Variants in MICALL1 observed in about 807,000 individuals in gnomAD.
MICALL1 encodes MICAL-like protein 1.
A neutral mutation model predicts 83.7 loss-of-function variants in MICALL1; 61 were observed. That is an observed-to-expected ratio of 0.73 (90% CI 0.59 to 0.90). The LOEUF is 0.90. MICALL1 is among the 40% of genes least tolerant of loss of function. The probability of loss-of-function intolerance (pLI) is 0.00; values close to 1 mark genes in which losing one functional copy is unlikely to be tolerated. For synonymous variants in MICALL1, 481 were observed against 473.6 expected (o/e 1.02, Z -0.20); for missense variants, 1,066 against 1,152.0 (o/e 0.93, Z 1.08).
rs1927944805 is a variant in MICALL1 at position 37,906,451 on chromosome 22, C to T, written c.29C>T (p.Ala10Val). The T allele has an allele frequency of 1.7e-6, 2 of 1,199,680 alleles. No individual in the cohort carries two copies. The highest frequency in any genetic ancestry group is 4.2e-5 in the Admixed American group (1 of 23,764). 74.3% of individuals were successfully genotyped at this position (1,199,680 alleles called of 1,614,324 possible). A position where few individuals can be genotyped will look rare whatever the true frequency, so the allele number is the denominator to read the frequency against. Reference protein sequence around the residue: MAGPRGALLAWCRRQCEGYR... With the variant: MAGPRGALLVWCRRQCEGYR... Reference sequence around the variant, plus strand: ...GCTGGGCCGCGGGGCGCGCTGCTGGCCTGGTGCCGCCGCCAGTGCGAGGGC... The same window carrying T: ...GCTGGGCCGCGGGGCGCGCTGCTGGTCTGGTGCCGCCGCCAGTGCGAGGGC... Residue 10 changes from alanine to valine, a missense_variant, in exon 1 of 16, where the codon GCC becomes GTC. By Grantham distance (64) the Ala-to-Val change is moderately conservative. Transcript: ENST00000215957. This position sits in a 1 kb window ranked among gnomAD's most constrained non-coding sequence, Gnocchi z 4.4.
chr22:37,927,160 T>C (rs1182707173), intron 8 of MICALL1: 4 of 490,850 alleles, frequency 8.1e-6, no homozygotes, highest in African/African-American at 1.9e-5. Flanking sequence ...ATGGGGGCTA[T>C]GGGGAGTGTG....
chr22:37,907,910 G>A (rs2145869192), intron 1 of MICALL1, among the ~76,000 whole-genome samples: 1 of 152,326 alleles, frequency 6.6e-6, no homozygotes, highest in East Asian at 1.9e-4. Flanking sequence ...GGGGGTAGAA[G>A]GATGGAGGAA....
chr22:37,934,645 GGAGTGCAGTGGCGC>G (rs2145946536), intron 13 of MICALL1, among the ~76,000 whole-genome samples: 1 of 150,988 alleles, frequency 6.6e-6, no homozygotes, highest in South Asian at 2.1e-4. Flanking sequence ...CGCCCAGGCT[GGAGTGCAGTGGCGC>G]GATCTCGGCT....
intron 5 of MICALL1, among the ~76,000 whole-genome samples, chr22:37,920,524 C>G (rs1034468787): frequency 1.3e-5 from 2 of 151,940 alleles, no homozygotes; most frequent in Non-Finnish European, 2.9e-5. Context: ...TGCCTATAAT[C>G]CCAGCACTTT....
At chr22:37,921,573 CAAAAA>C (rs957636991) in intron 5 of MICALL1, among the ~76,000 whole-genome samples, 12 of 152,090 alleles carry the variant, frequency 7.9e-5, no homozygotes, top group African/African-American at 2.7e-4. Flanking sequence ...GACTCCATCT[CAAAAA>C]AACAAAACAA....
Position 37,924,540 on chromosome 22 carries a change from G to A in MICALL1, c.1025-120G>A. 1 of 916,362 alleles carries A rather than the reference G, an allele frequency of 1.1e-6. No homozygotes were observed. The highest frequency in any genetic ancestry group is 2.6e-5 in the East Asian group (1 of 38,076). The allele number at this position is 916,362 out of a possible 1,614,324, so 56.8% of individuals were successfully genotyped here. On this transcript the variant is annotated intron_variant, in intron 6 of 15. Coordinates refer to ENST00000215957, the MANE Select transcript of MICALL1 (RefSeq NM_033386.4). The surrounding 1 kb of genome is among the most constrained non-coding windows in gnomAD (Gnocchi z 5.2). ...AATCTCCATGGGCTGGCCTGGGGAG[G>A]TGCGAGGGTGCCAGGAGGAAGGCGG...
chr22:37,928,087 T>C (rs558190870), intron 9 of MICALL1, among the ~76,000 whole-genome samples: 1 of 152,198 alleles, frequency 6.6e-6, no homozygotes, highest in East Asian at 1.9e-4. Context: ...TTTGTATTTT[T>C]AGTAGAGTGG....
At position 37,941,779 on chromosome 22, in the gene MICALL1, C is replaced by G. The variant is rs1930451075; in HGVS notation, c.*949C>G. 1 of 152,386 alleles carries G rather than the reference C, an allele frequency of 6.6e-6. No homozygotes were observed. The allele number at this position is 152,386 out of a possible 1,614,324, so 9.4% of individuals were successfully genotyped here. A position where few individuals can be genotyped will look rare whatever the true frequency, so the allele number is the denominator to read the frequency against. On this transcript the variant is annotated 3_prime_UTR_variant, in exon 16 of 16. Coordinates refer to ENST00000215957, the MANE Select transcript of MICALL1 (RefSeq NM_033386.4). Reference sequence around the variant, plus strand: ...TTCCCTGACTCCCTCCCACCGAAGGCCTGATGGCTACTCACCCCTCTGGGA... The same window carrying G: ...TTCCCTGACTCCCTCCCACCGAAGGGCTGATGGCTACTCACCCCTCTGGGA...
At position 37,929,115 on chromosome 22, in the gene MICALL1, G is replaced by GA. The variant is rs144704576; in HGVS notation, c.1881+1299dup. Among the ~76,000 whole-genome samples, 1,364 of 147,686 alleles carry GA rather than the reference G, an allele frequency of 9.2e-3. 24 individuals are homozygous for GA. The highest frequency in any genetic ancestry group is 0.032 in the African/African-American group (1,296 of 40,376). On this transcript the variant is annotated intron_variant, in intron 9 of 15. Transcript: ENST00000215957. ...GGCAACAGAATGAGACTCTGTCTCA[G>GA]AAAAAAAAAAGACCCTGTCTTTGGC...
At chr22:37,907,904 G>A (rs187257122) in intron 1 of MICALL1, among the ~76,000 whole-genome samples, 2 of 152,226 alleles carry the variant, frequency 1.3e-5, no homozygotes, top group Non-Finnish European at 2.9e-5. Context: ...GGAGCAGGGG[G>A]TAGAAGGATG....
At position 37,922,122 on chromosome 22, in the gene MICALL1, G is replaced by A; in HGVS notation, c.720G>A (p.Gln240=). The A allele has an allele frequency of 6.2e-7, 1 of 1,613,290 alleles. No homozygotes were observed. The highest frequency in any genetic ancestry group is 8.5e-7 in the Non-Finnish European group (1 of 1,180,000). ...RPGPFSQPKQ[Q]HQQQLAEDAK... is the part of the protein sequence containing the mutation. ...GGCCCTTCTCACAGCCAAAGCAGCA[G>A]CACCAGCAGCAACTCGCAGAAGATG... Residue 240 remains glutamine, a synonymous_variant, in exon 6 of 16, where the codon CAG becomes CAA. Coordinates refer to ENST00000215957, the MANE Select transcript of MICALL1 (RefSeq NM_033386.4).
intron 8 of MICALL1, chr22:37,926,832 G>A (rs1414853189): frequency 3.9e-5 from 6 of 153,518 alleles, no homozygotes; most frequent in Non-Finnish European, 8.7e-5. Flanking sequence ...GAAGTGGTGG[G>A]CAGCTTCAGG....
chr22:37,919,259 C>T (rs141848146), intron 5 of MICALL1, 81 bp downstream of exon 5: 155 of 1,379,882 alleles, frequency 1.1e-4, no homozygotes, highest in Non-Finnish European at 1.4e-4. Flanking sequence ...GCGCCAGGCA[C>T]CTTGCCAGGC....
chr22:37,932,064 A>G lies in MICALL1; in HGVS notation c.2016+131A>G, dbSNP rs888053645. ...GTGGGCCTCAGATGCTCAAGAGAGC[A>G]CTCTTGGCGGCCCAACTGGAAGGTC... On this transcript the variant is annotated intron_variant, in intron 10 of 15. Coordinates refer to ENST00000215957, the MANE Select transcript of MICALL1 (RefSeq NM_033386.4). This position sits in a 1 kb window ranked among gnomAD's most constrained non-coding sequence, Gnocchi z 4.4. 2 of 1,352,364 alleles carry G rather than the reference A, an allele frequency of 1.5e-6. No homozygotes were observed. Among genetic ancestry groups the G allele is most frequent in the Non-Finnish European group, 2.0e-6 (2 of 1,010,100 alleles). 83.8% of individuals were successfully genotyped at this position (1,352,364 alleles called of 1,614,324 possible).
intron 9 of MICALL1, among the ~76,000 whole-genome samples, chr22:37,928,084 T>C (rs1929582843): frequency 6.6e-6 from 1 of 152,012 alleles, no homozygotes; most frequent in African/African-American, 2.4e-5. Flanking sequence ...TTTTTTGTAT[T>C]TTTAGTAGAG....
Position 37,932,081 on chromosome 22 carries a change from T to C in MICALL1, c.2016+148T>C. 8.2e-7 allele frequency: 1 copy of C among 1,225,068 alleles called. No individual in the cohort carries two copies. The highest frequency in any genetic ancestry group is 1.1e-6 in the Non-Finnish European group (1 of 899,992). The allele number at this position is 1,225,068 out of a possible 1,614,324, so 75.9% of individuals were successfully genotyped here. A position where few individuals can be genotyped will look rare whatever the true frequency, so the allele number is the denominator to read the frequency against. Reference sequence around the variant, plus strand: ...AAGAGAGCACTCTTGGCGGCCCAACTGGAAGGTCTAGCTTGCAGCCTGGAG... The same window carrying C: ...AAGAGAGCACTCTTGGCGGCCCAACCGGAAGGTCTAGCTTGCAGCCTGGAG... On this transcript the variant is annotated intron_variant, in intron 10 of 15. Coordinates refer to ENST00000215957, the MANE Select transcript of MICALL1 (RefSeq NM_033386.4). The surrounding 1 kb of genome is among the most constrained non-coding windows in gnomAD (Gnocchi z 4.4).
chr22:37,934,920 A>AT (rs1227326547), intron 13 of MICALL1, among the ~76,000 whole-genome samples: 1 of 141,148 alleles, frequency 7.1e-6, no homozygotes, highest in Non-Finnish European at 1.5e-5. Context: ...ATTTTATTTT[A>AT]TTTATTTATT....
intron 3 of MICALL1, among the ~76,000 whole-genome samples, chr22:37,914,720 G>A (rs189928117): frequency 3.2e-4 from 48 of 151,714 alleles, no homozygotes; most frequent in African/African-American, 1.1e-3. Flanking sequence ...AGCTCAATGC[G>A]TCCTCAACCT....
At position 37,941,222 on chromosome 22, in the gene MICALL1, G is replaced by C. The variant is rs1930419585; in HGVS notation, c.*392G>C. On this transcript the variant is annotated 3_prime_UTR_variant, in exon 16 of 16. Coordinates refer to ENST00000215957, the MANE Select transcript of MICALL1 (RefSeq NM_033386.4). ...CGCCTCCAGGGTTCTGCTCTTCCAG[G>C]CAGGCCAGCAAGTGGCGCTGGGCCA... 5.6e-6 allele frequency: 1 copy of C among 178,530 alleles called. No individual in the cohort carries two copies. The highest frequency in any genetic ancestry group is 1.2e-5 in the Non-Finnish European group (1 of 83,092). The allele number at this position is 178,530 out of a possible 1,614,324, so 11.1% of individuals were successfully genotyped here. A position where few individuals can be genotyped will look rare whatever the true frequency, so the allele number is the denominator to read the frequency against.
Sources: allele counts gnomAD v4.1 joint callset (sites outside exome capture counted in the v4.1 genomes callset), GRCh38; gene constraint gnomAD v4.1.1; non-coding constraint Gnocchi (gnomAD v3.1); transcripts MANE v1.5; gene names NCBI Gene and HGNC (gene_info 2026-07-23, HGNC 2026-07-21).